SEMA5A: variants seen among roughly 807,000 people sequenced by gnomAD.
SEMA5A encodes semaphorin 5A.
Under a neutral mutation model 135.5 loss-of-function variants are expected in SEMA5A, and 55 were observed. That is an observed-to-expected ratio of 0.41 (90% CI 0.33 to 0.51). The LOEUF (loss-of-function observed/expected upper bound fraction) is 0.51, where lower values mean the gene tolerates loss of function less well. Among genes scored for constraint, SEMA5A ranks in the 20% least tolerant of loss-of-function variants. The probability of loss-of-function intolerance (pLI) is 0.37; values close to 1 mark genes in which losing one functional copy is unlikely to be tolerated. For missense variants in SEMA5A, 1,290 were observed against 1,419.9 expected (o/e 0.91, Z 1.47); for synonymous variants, 580 against 546.5 (o/e 1.06, Z -0.85).
At chr5:9,193,554 G>A (rs960687375) in intron 10 of SEMA5A, among the ~76,000 whole-genome samples, 4 of 152,170 alleles carry the variant, frequency 2.6e-5, no homozygotes, top group African/African-American at 9.7e-5. Context: ...CTGCAGGAGT[G>A]CCCAATTTTA....
rs11741186 is a variant in SEMA5A at position 9,044,562 on chromosome 5, G to A, written c.2916C>T (p.Ile972=). Residue 972 remains isoleucine (I), a synonymous_variant, in exon 22 of 23, where the codon ATC becomes ATT. Transcript: ENST00000382496. Reference sequence around the variant, plus strand: ...GGATGGAGCTGCTCAGCCCCACGGCGATCATGTGGAACATGTTGAACTCTA... The same window carrying A: ...GGATGGAGCTGCTCAGCCCCACGGCAATCATGTGGAACATGTTGAACTCTA... The part of the protein sequence containing the change: ...RCGEFNMFHM[I]AVGLSSSILG... 0.024 allele frequency: 39,011 copies of A among 1,613,344 alleles called. 907 individuals are homozygous for A. Among genetic ancestry groups the A allele is most frequent in the African/African-American group, 0.11 (8,398 of 74,928 alleles).
chr5:9,337,579 T>A (rs1753448015), intron 4 of SEMA5A, 134 bp downstream of exon 4: 2 of 601,194 alleles, frequency 3.3e-6, no homozygotes, highest in Non-Finnish European at 5.9e-6. Context: ...ATGACACTCA[T>A]ACTGTATTTC....
intron 2 of SEMA5A, among the ~76,000 whole-genome samples, chr5:9,397,305 TA>T (rs1193469771): frequency 3.3e-5 from 5 of 152,238 alleles, no homozygotes; most frequent in African/African-American, 1.2e-4. Flanking sequence ...TACATTTCTA[TA>T]ATTTATAAAA....
At chr5:9,311,256 C>G (rs1332826315) in intron 5 of SEMA5A, among the ~76,000 whole-genome samples, 1 of 151,914 alleles carries the variant, frequency 6.6e-6, no homozygotes, top group African/African-American at 2.4e-5. Context: ...AATAATGTCC[C>G]CAGATATTGC....
chr5:9,210,942 C>A (rs1204403588), intron 8 of SEMA5A, among the ~76,000 whole-genome samples: 2 of 152,116 alleles, frequency 1.3e-5, no homozygotes, highest in Non-Finnish European at 2.9e-5. Flanking sequence ...TGCATGGAGG[C>A]CATTGATTTA....
chr5:9,354,080 A>G (rs1186012885), intron 3 of SEMA5A, among the ~76,000 whole-genome samples: 2 of 152,140 alleles, frequency 1.3e-5, no homozygotes, highest in African/African-American at 4.8e-5. Context: ...AGAGCTCAGC[A>G]TGCCACACCT....
chr5:9,480,046 G>A lies in SEMA5A; in HGVS notation c.-174-42194C>T, dbSNP rs1424156810. 3.3e-5 allele frequency among the ~76,000 whole-genome samples: 5 copies of A among 152,092 alleles called. No individual in the cohort carries two copies. In the South Asian group the frequency reaches 1.0e-3, roughly 32 times the overall value. On this transcript the variant is annotated intron_variant, in intron 1 of 22. Transcript: ENST00000382496. ...CCACCACAGCATTGCTGACCTTTGG[G>A]ACCAGATTATTCTCTGTTGCTGGGG...
intron 17 of SEMA5A, among the ~76,000 whole-genome samples, chr5:9,065,333 C>T (rs1333340183): frequency 6.6e-6 from 1 of 152,184 alleles, no homozygotes; most frequent in Non-Finnish European, 1.5e-5. Context: ...TGGTGGCCGT[C>T]ACACAGAGCC....
rs1735865148 is a variant in SEMA5A at position 9,039,847 on chromosome 5, G to A, written c.*3050C>T. 1 of 152,246 alleles carries A rather than the reference G, an allele frequency of 6.6e-6. No homozygotes were observed. Among genetic ancestry groups the A allele is most frequent in the South Asian group, 2.1e-4 (1 of 4,830 alleles). The allele number at this position is 152,246 out of a possible 1,614,324, so 9.4% of individuals were successfully genotyped here. ...GAGCTACAGGAAGCCCACATGTTGTGTAGTGTGCAGAAATTCTGTTCTTCT... is the reference window on the plus strand; with the variant it reads ...GAGCTACAGGAAGCCCACATGTTGTATAGTGTGCAGAAATTCTGTTCTTCT... On this transcript the variant is annotated 3_prime_UTR_variant, in exon 23 of 23. Coordinates refer to ENST00000382496, the MANE Select transcript of SEMA5A (RefSeq NM_003966.3).
At chr5:9,134,943 T>C (rs984180332) in intron 13 of SEMA5A, among the ~76,000 whole-genome samples, 4 of 152,054 alleles carry the variant, frequency 2.6e-5, no homozygotes, top group African/African-American at 9.7e-5. Context: ...TTTCTAACCA[T>C]TTTAAAGGGA....
chr5:9,258,803 CTTTTTTTTTTT>C (rs748703578), intron 5 of SEMA5A, among the ~76,000 whole-genome samples: 22 of 48,984 alleles, frequency 4.5e-4, no homozygotes, highest in Non-Finnish European at 6.6e-4. Flanking sequence ...TTCTTTCTTT[CTTTTTTTTTTT>C]TTTTTTTTTT....
intron 9 of SEMA5A, among the ~76,000 whole-genome samples, chr5:9,199,978 A>G (rs575255867): frequency 4.6e-5 from 7 of 152,322 alleles, no homozygotes; most frequent in Non-Finnish European, 1.0e-4. Context: ...GCAAAGCAAC[A>G]TTCTGAGCCC....
chr5:9,472,425 T>C (rs1759509286), intron 1 of SEMA5A, among the ~76,000 whole-genome samples: 1 of 152,230 alleles, frequency 6.6e-6, no homozygotes, highest in Non-Finnish European at 1.5e-5. Context: ...AGGTTTGAAA[T>C]GAAAACTTCC....
intron 13 of SEMA5A, among the ~76,000 whole-genome samples, chr5:9,126,868 T>A (rs921290360): frequency 6.6e-6 from 1 of 152,056 alleles, no homozygotes; most frequent in African/African-American, 2.4e-5. Context: ...TCTATAGGGG[T>A]GAGTTAGAGA....
intron 8 of SEMA5A, among the ~76,000 whole-genome samples, chr5:9,202,798 G>A (rs1745791258): frequency 6.6e-6 from 1 of 152,184 alleles, no homozygotes; most frequent in South Asian, 2.1e-4. Context: ...ACTATAAGGT[G>A]TGTCTGGAAT....
chr5:9,372,646 G>GCACATGCATGGAGCCATGAGACA lies in SEMA5A; in HGVS notation c.124+7154_124+7176dup, dbSNP rs1579431508. ...GCTGTGGGAGACACATAGTGCCATG[G>GCACATGCATGGAGCCATGAGACA]CACATGCATGGAGCCATGAGACACA... On this transcript the variant is annotated intron_variant, in intron 3 of 22. Transcript: ENST00000382496. 1.2e-4 allele frequency among the ~76,000 whole-genome samples: 18 copies of GCACATGCATGGAGCCATGAGACA among 151,960 alleles called. No homozygotes were observed. In the East Asian group the frequency reaches 2.9e-3, roughly 25 times the overall value.
intron 5 of SEMA5A, among the ~76,000 whole-genome samples, chr5:9,283,873 C>A (rs1475499748): frequency 6.6e-6 from 1 of 152,116 alleles, no homozygotes; most frequent in Non-Finnish European, 1.5e-5. Flanking sequence ...AGTGACTGTT[C>A]CCAAACTTCA....
At chr5:9,485,696 T>A (rs1734671866) in intron 1 of SEMA5A, among the ~76,000 whole-genome samples, 1 of 152,148 alleles carries the variant, frequency 6.6e-6, no homozygotes, top group South Asian at 2.1e-4. Flanking sequence ...GAACCTGCTA[T>A]ACACCAACAT....
At chr5:9,317,291 G>C (rs1752435011) in intron 5 of SEMA5A, among the ~76,000 whole-genome samples, 1 of 152,010 alleles carries the variant, frequency 6.6e-6, no homozygotes, top group Non-Finnish European at 1.5e-5. Flanking sequence ...GAAAATTCTT[G>C]ATAAATTGCA....
Sources: allele counts gnomAD v4.1 joint callset (sites outside exome capture counted in the v4.1 genomes callset), GRCh38; gene constraint gnomAD v4.1.1; transcripts MANE v1.5; gene names NCBI Gene and HGNC (gene_info 2026-07-23, HGNC 2026-07-21).